THSD4: variants seen among roughly 807,000 people sequenced by gnomAD.
THSD4 encodes thrombospondin type 1 domain containing 4.
Under a neutral mutation model 119.0 loss-of-function variants are expected in THSD4, and 69 were observed. The observed-to-expected ratio is 0.58, with a 90% confidence interval of 0.48 to 0.71. The LOEUF (loss-of-function observed/expected upper bound fraction) is 0.71. Among genes scored for constraint, THSD4 ranks in the 30% least tolerant of loss-of-function variants. The probability of loss-of-function intolerance (pLI) is 0.00; values close to 1 mark genes in which losing one functional copy is unlikely to be tolerated. For synonymous variants in THSD4, 524 were observed against 540.4 expected, an observed-to-expected ratio of 0.97 and a Z score of 0.42; for missense variants, 1,393 against 1,391.1, an observed-to-expected ratio of 1.00 and a Z score of -0.02.
chr15:71,568,275 T>G (rs2049279828), intron 7 of THSD4, among the ~76,000 whole-genome samples: 1 of 152,108 alleles, frequency 6.6e-6, no homozygotes, highest in African/African-American at 2.4e-5. Flanking sequence ...GAACTGCAAA[T>G]AAAGCAAAAT....
intron 6 of THSD4, among the ~76,000 whole-genome samples, chr15:71,317,152 A>G (rs1254997880): frequency 6.6e-6 from 1 of 152,110 alleles, no homozygotes; most frequent in African/African-American, 2.4e-5. Flanking sequence ...CTAAGCCTCC[A>G]CTCCCTTAAC....
intron 7 of THSD4, among the ~76,000 whole-genome samples, chr15:71,583,977 C>T: frequency 6.6e-6 from 1 of 152,116 alleles, no homozygotes; most frequent in East Asian, 1.9e-4. Context: ...TCTGGATGAT[C>T]TGTTTACTGT....
Position 71,668,552 on chromosome 15 carries a change from C to G in THSD4, c.1357+7818C>G, listed in dbSNP as rs571275251. On this transcript the variant is annotated intron_variant, in intron 8 of 17. Transcript: ENST00000261862. ...GGAACAGACACCCCCACTCCCAGCA[C>G]ACACACACATTCAGAATGCTGGCAT... is the stretch of plus-strand genomic sequence containing the variant. Among the ~76,000 whole-genome samples, 158 of 152,280 alleles carry G rather than the reference C, an allele frequency of 1.0e-3. No individual in the cohort carries two copies. In the South Asian group the frequency reaches 0.011, roughly 11 times the overall value.
intron 7 of THSD4, among the ~76,000 whole-genome samples, chr15:71,574,736 T>C (rs182913723): frequency 3.9e-4 from 60 of 152,300 alleles, no homozygotes; most frequent in Middle Eastern, 3.4e-3. Context: ...TGAGGTCTTA[T>C]ATCTCATACA....
At chr15:71,539,826 CTG>C (rs976349942) in intron 7 of THSD4, among the ~76,000 whole-genome samples, 40 of 152,306 alleles carry the variant, frequency 2.6e-4, no homozygotes, top group African/African-American at 9.6e-4. Context: ...ATCAGGCTAT[CTG>C]TGTGCTGACT....
chr15:71,442,658 GTGTATATATA>G lies in THSD4; in HGVS notation c.1152+30837_1152+30846del, dbSNP rs2047121085. 1.3e-4 allele frequency among the ~76,000 whole-genome samples: 4 copies of G among 31,348 alleles called. 2 individuals carry two copies. Among genetic ancestry groups the G allele is most frequent in the African/African-American group, 4.0e-4 (4 of 10,100 alleles). 20.6% of individuals were successfully genotyped at this position (31,348 alleles called of 152,430 possible). On this transcript the variant is annotated intron_variant, in intron 7 of 17. Transcript: ENST00000261862. Reference sequence around the variant, plus strand: ...TGTGTGTGTATATGTGTGTGTGTGTGTGTATATATATATATATATATATATATATATATAT... The same window carrying G: ...TGTGTGTGTATATGTGTGTGTGTGTGTATATATATATATATATATATATAT...
At chr15:71,673,579 G>T (rs1458371117) in intron 8 of THSD4, among the ~76,000 whole-genome samples, 1 of 152,156 alleles carries the variant, frequency 6.6e-6, no homozygotes, top group Non-Finnish European at 1.5e-5. Flanking sequence ...TAATTGTGAT[G>T]TTAGGGTGTC....
At position 71,366,365 on chromosome 15, in the gene THSD4, A is replaced by C. The variant is rs549723323; in HGVS notation, c.1016-45322A>C. Among the ~76,000 whole-genome samples, 15 of 152,234 alleles carry C rather than the reference A, an allele frequency of 9.9e-5. No homozygotes were observed. The South Asian group carries it at 2.9e-3, about 29-fold the overall frequency. On this transcript the variant is annotated intron_variant, in intron 6 of 17. Transcript: ENST00000261862. Reference sequence around the variant, plus strand: ...CTGGGAAACAGCTCCCGGCTGTCCAAGATTTTTTACTCTGCTGGGTATAGG... The same window carrying C: ...CTGGGAAACAGCTCCCGGCTGTCCACGATTTTTTACTCTGCTGGGTATAGG...
intron 7 of THSD4, among the ~76,000 whole-genome samples, chr15:71,488,582 A>G (rs1017110142): frequency 4.0e-5 from 6 of 151,888 alleles, no homozygotes; most frequent in Non-Finnish European, 8.8e-5. Context: ...TTTTCCTTCC[A>G]TGGAGATTAG....
chr15:71,480,428 T>C (rs1437463325), intron 7 of THSD4, among the ~76,000 whole-genome samples: 3 of 152,252 alleles, frequency 2.0e-5, no homozygotes, highest in African/African-American at 7.2e-5. Flanking sequence ...TACTATGTGA[T>C]GTGTTGCAAT....
intron 6 of THSD4, among the ~76,000 whole-genome samples, chr15:71,318,556 C>T (rs145800293): frequency 1.1e-3 from 161 of 152,284 alleles, no homozygotes; most frequent in African/African-American, 3.6e-3. Context: ...TGGAGGCACT[C>T]AGGGTTTGGC....
chr15:71,547,302 G>A, intron 7 of THSD4: 1 of 1,518,798 alleles, frequency 6.6e-7, no homozygotes. Context: ...CCAGCGCGGT[G>A]CCTAGCGGAA....
At chr15:71,200,831 G>C (rs2043797669) in intron 3 of THSD4, among the ~76,000 whole-genome samples, 1 of 152,176 alleles carries the variant, frequency 6.6e-6, no homozygotes. Context: ...CAATCACCAA[G>C]GGCAACAGAT....
intron 6 of THSD4, among the ~76,000 whole-genome samples, chr15:71,403,551 G>A (rs1419841602): frequency 6.6e-6 from 1 of 152,112 alleles, no homozygotes; most frequent in Non-Finnish European, 1.5e-5. Context: ...TTCTTCATGG[G>A]TCTCTTGTAC....
intron 7 of THSD4, among the ~76,000 whole-genome samples, chr15:71,481,902 C>G (rs1455199098): frequency 6.6e-6 from 1 of 152,172 alleles, no homozygotes; most frequent in Non-Finnish European, 1.5e-5. Context: ...TTATGTGTTT[C>G]CAGTCATTGC....
chr15:71,399,444 G>A (rs1297658944), intron 6 of THSD4, among the ~76,000 whole-genome samples: 1 of 152,200 alleles, frequency 6.6e-6, no homozygotes, highest in African/African-American at 2.4e-5. Flanking sequence ...TTTCTGCACA[G>A]CATAGACCAT....
At chr15:71,584,687 A>T (rs1237519467) in intron 7 of THSD4, among the ~76,000 whole-genome samples, 1 of 152,186 alleles carries the variant, frequency 6.6e-6, no homozygotes, top group Non-Finnish European at 1.5e-5. Context: ...TTTTGATTAG[A>T]TAATTTAATC....
chr15:71,531,528 C>T (rs1207916070), intron 7 of THSD4, among the ~76,000 whole-genome samples: 1 of 152,204 alleles, frequency 6.6e-6, no homozygotes, highest in Non-Finnish European at 1.5e-5. Flanking sequence ...AGCACCTCGG[C>T]TGTGGAGACA....
intron 7 of THSD4, among the ~76,000 whole-genome samples, chr15:71,614,281 G>A (rs758096382): frequency 1.3e-4 from 20 of 152,080 alleles, no homozygotes; most frequent in Non-Finnish European, 1.9e-4. Context: ...GCCTGGATTC[G>A]GCCACCATTA....
Sources: gnomAD v4.1 joint callset for allele counts (sites outside exome capture counted in the v4.1 genomes callset) on GRCh38, gnomAD v4.1.1 for gene constraint, MANE v1.5 for transcripts, NCBI Gene and HGNC (gene_info 2026-07-23, HGNC 2026-07-21) for gene names.